KLKB1: variants seen among roughly 807,000 people sequenced by gnomAD.
The protein encoded by KLKB1 is plasma kallikrein.
Under a neutral mutation model 73.6 loss-of-function variants are expected in KLKB1, and 58 were observed. The observed-to-expected ratio is 0.79, with a 90% CI of 0.64 to 0.98. The LOEUF (loss-of-function observed/expected upper bound fraction) is 0.98. Ranked by LOEUF, KLKB1 falls within the 50% of genes least tolerant of loss-of-function variation. The pLI, the probability that KLKB1 is intolerant of heterozygous loss-of-function variation, is 0.00. For missense variants in KLKB1, 737 were observed against 763.8 expected (o/e 0.96, Z 0.41); for synonymous variants, 280 against 258.1 (o/e 1.08, Z -0.81).
At chr4:186,239,620 C>T (rs1737904949) in intron 6 of KLKB1, among the ~76,000 whole-genome samples, 1 of 143,410 alleles carries the variant, frequency 7.0e-6, no homozygotes, top group Admixed American at 6.9e-5. Flanking sequence ...GAAACTAGTA[C>T]AGTGATACTG....
intron 2 of KLKB1, among the ~76,000 whole-genome samples, chr4:186,214,928 C>G (rs923077177): frequency 3.9e-5 from 6 of 152,218 alleles, no homozygotes; most frequent in African/African-American, 1.4e-4. Flanking sequence ...CGTTCTTTCT[C>G]CTTCCCATCA....
At chr4:186,214,007 T>C (rs1350396076) in intron 2 of KLKB1, among the ~76,000 whole-genome samples, 1 of 152,214 alleles carries the variant, frequency 6.6e-6, no homozygotes, top group Non-Finnish European at 1.5e-5. Flanking sequence ...TGCCATATTC[T>C]TAGGCAATCC....
chr4:186,220,701 G>A (rs1197363055), intron 2 of KLKB1, among the ~76,000 whole-genome samples: 2 of 152,144 alleles, frequency 1.3e-5, no homozygotes, highest in African/African-American at 2.4e-5. Context: ...GTTGAATTTA[G>A]TCTGGCTAAT....
chr4:186,251,333 T>C lies in KLKB1; in HGVS notation c.868+5T>C. ...CCTGCAAAAGAACTTTACCTGGTAA[T>C]GTGATTTGATAATAATATTACATAA... On this transcript the variant is annotated splice_donor_5th_base_variant and intron_variant, in intron 8 of 14. Transcript: ENST00000264690. The C allele has an allele frequency of 6.4e-7, 1 of 1,568,570 alleles. No homozygotes were observed. The highest frequency in any genetic ancestry group is 8.8e-7 in the Non-Finnish European group (1 of 1,138,610).
chr4:186,234,574 G>A (rs1355204865), intron 4 of KLKB1, among the ~76,000 whole-genome samples: 2 of 152,166 alleles, frequency 1.3e-5, no homozygotes, highest in African/African-American at 2.4e-5. Flanking sequence ...CAGGGCAGTC[G>A]TCCACAGCAA....
At chr4:186,241,274 A>G (rs1224442881) in intron 6 of KLKB1, among the ~76,000 whole-genome samples, 2 of 152,128 alleles carry the variant, frequency 1.3e-5, no homozygotes, top group African/African-American at 2.4e-5. Context: ...TGGTTTCACC[A>G]AGGATTTTCC....
In KLKB1 at chr4:186,211,691, A is replaced by T. The variant is rs75526967; in HGVS notation, c.201+2419A>T. On this transcript the variant is annotated intron_variant, in intron 2 of 14. Transcript: ENST00000511608. ...CACACACACACACACACACACACACACACACATACACACATATAATTTGAA... is the reference window on the plus strand; with the variant it reads ...CACACACACACACACACACACACACTCACACATACACACATATAATTTGAA... The T allele has an allele frequency of 1.8e-5, 2 of 108,624 alleles. 1 individual carries two copies. The highest frequency in any genetic ancestry group is 6.5e-5 in the African/African-American group (2 of 30,730). The allele number at this position is 108,624 out of a possible 1,614,324, so 6.7% of individuals were successfully genotyped here. A position where few individuals can be genotyped will look rare whatever the true frequency, so the allele number is the denominator to read the frequency against.
At chr4:186,229,065 CCT>C (rs1737275481) in intron 2 of KLKB1, 1 of 152,130 alleles carries the variant, frequency 6.6e-6, no homozygotes, top group South Asian at 2.1e-4. Flanking sequence ...TCACAACTCC[CCT>C]GTGTCTGTCC....
At chr4:186,254,500 G>C in intron 11 of KLKB1, 88 bp from the exon 12 acceptor site, 2 of 1,136,166 alleles carry the variant, frequency 1.8e-6, no homozygotes, top group Non-Finnish European at 2.7e-6. Context: ...TTCCTTCCCA[G>C]TTCTTTGAAA....
At chr4:186,255,353 G>A (rs991341567) in intron 12 of KLKB1, among the ~76,000 whole-genome samples, 2 of 152,136 alleles carry the variant, frequency 1.3e-5, no homozygotes, top group African/African-American at 4.8e-5. Flanking sequence ...TTGAGGCCAG[G>A]AGTTTGAGAC....
intron 7 of KLKB1, among the ~76,000 whole-genome samples, chr4:186,250,693 A>G (rs1033018129): frequency 6.6e-6 from 1 of 152,208 alleles, no homozygotes; most frequent in Non-Finnish European, 1.5e-5. Context: ...TGAAGATTCA[A>G]AACATGATCT....
Position 186,258,293 on chromosome 4 carries a change from C to A in KLKB1, c.*81C>A. On this transcript the variant is annotated 3_prime_UTR_variant, in exon 15 of 15. Transcript: ENST00000264690. ...GCCTGGGGGGTCCTCATCTGCAAAG[C>A]ATGGAGAGTGGCATCTTCTTTGCAT... 1 of 1,159,182 alleles carries A rather than the reference C, an allele frequency of 8.6e-7. No individual in the cohort carries two copies. The highest frequency in any genetic ancestry group is 1.3e-6 in the Non-Finnish European group (1 of 787,680). 71.8% of individuals were successfully genotyped at this position (1,159,182 alleles called of 1,614,324 possible). A position where few individuals can be genotyped will look rare whatever the true frequency, so the allele number is the denominator to read the frequency against.
chr4:186,237,981 A>AT (rs1299895008), intron 5 of KLKB1, among the ~76,000 whole-genome samples: 4 of 151,864 alleles, frequency 2.6e-5, no homozygotes, highest in African/African-American at 9.7e-5. Flanking sequence ...TTTTGGTGTC[A>AT]TTTTTCCTGA....
intron 6 of KLKB1, among the ~76,000 whole-genome samples, chr4:186,248,682 G>T (rs1380875852): frequency 3.8e-5 from 5 of 132,974 alleles, no homozygotes; most frequent in African/African-American, 1.2e-4. Flanking sequence ...ATTCTCTTAT[G>T]TATATACTTA....
At chr4:186,250,539 C>T in intron 7 of KLKB1, 137 bp downstream of exon 7, 1 of 926,968 alleles carries the variant, frequency 1.1e-6, no homozygotes, top group African/African-American at 1.6e-5. Context: ...CCTGCAGTTT[C>T]AGTAGGTACT....
At chr4:186,245,994 A>C (rs1738325517) in intron 6 of KLKB1, among the ~76,000 whole-genome samples, 1 of 151,756 alleles carries the variant, frequency 6.6e-6, no homozygotes, top group Non-Finnish European at 1.5e-5. Context: ...CCTAAACGCT[A>C]ACTGATTTGG....
rs116543451 is a variant in KLKB1 at position 186,220,580 on chromosome 4, A to G, written c.201+11308A>G. Reference sequence around the variant, plus strand: ...TAAGTGCCTCTCTTCAGATGATCATATGATTTTTATCCTTCATTTTGTGAA... The same window carrying G: ...TAAGTGCCTCTCTTCAGATGATCATGTGATTTTTATCCTTCATTTTGTGAA... On this transcript the variant is annotated intron_variant, in intron 2 of 14. Transcript: ENST00000511608. Among the ~76,000 whole-genome samples, 152 of 152,286 alleles carry G rather than the reference A, an allele frequency of 1.0e-3. 1 individual carries two copies. Among genetic ancestry groups the G allele is most frequent in the African/African-American group, 2.8e-3 (116 of 41,568 alleles).
Position 186,258,159 on chromosome 4 carries a change from T to G in KLKB1, c.1864T>G (p.Leu622Val). The G allele has an allele frequency of 6.2e-7, 1 of 1,614,126 alleles. No homozygotes were observed. ...AGTCGCTGAGTACATGGACTGGATT[T>G]TAGAGAAAACACAGAGCAGTGATGG... ...TKVAEYMDWI[L>V]EKTQSSDGKA... is the part of the protein sequence containing the mutation. The change falls in exon 15 of 15, where the codon TTA (leucine) becomes GTA (valine). Residue 622 changes from leucine to valine, a missense_variant. By Grantham distance (32) the Leu-to-Val change is conservative. Coordinates refer to ENST00000264690, the MANE Select transcript of KLKB1 (RefSeq NM_000892.5).
intron 6 of KLKB1, among the ~76,000 whole-genome samples, chr4:186,240,717 T>G (rs1173933702): frequency 1.3e-5 from 2 of 152,176 alleles, no homozygotes; most frequent in Non-Finnish European, 2.9e-5. Context: ...TATTTTCCTG[T>G]CTCCTCTTTG....
Sources: gnomAD v4.1 joint callset for allele counts (sites outside exome capture counted in the v4.1 genomes callset) on GRCh38, gnomAD v4.1.1 for gene constraint, MANE v1.5 for transcripts, NCBI Gene and HGNC (gene_info 2026-07-23, HGNC 2026-07-21) for gene names.